NPTN: variants seen among roughly 807,000 people sequenced by gnomAD.
NPTN encodes the protein SDR-1.
A neutral mutation model predicts 42.7 loss-of-function variants in NPTN; 5 were observed. That is an observed-to-expected ratio of 0.12 (90% confidence interval 0.06 to 0.25). The LOEUF is 0.25. Among genes scored for constraint, NPTN ranks in the 10% least tolerant of loss-of-function variants. The probability of loss-of-function intolerance (pLI) is 1.00; values close to 1 mark genes in which losing one functional copy is unlikely to be tolerated. For missense variants in NPTN, 307 were observed against 525.4 expected, an observed-to-expected ratio of 0.58 and a Z score of 4.06; for synonymous variants, 180 against 201.9, an observed-to-expected ratio of 0.89 and a Z score of 0.92.
At chr15:73,620,079 G>A (rs531510195) in intron 1 of NPTN, among the ~76,000 whole-genome samples, 25 of 152,214 alleles carry the variant, frequency 1.6e-4, no homozygotes, top group African/African-American at 5.8e-4. Context: ...ATAATCCTTT[G>A]GTGAAAGGGA....
chr15:73,564,278 G>T (rs964286044), intron 6 of NPTN, among the ~76,000 whole-genome samples: 8 of 152,176 alleles, frequency 5.3e-5, no homozygotes, highest in African/African-American at 1.9e-4. Flanking sequence ...AAGGCTTCTA[G>T]AAAAATTCTC....
At chr15:73,573,927 TGAA>T (rs1308961964) in intron 4 of NPTN, 132 bp from the exon 5 acceptor site, 28 of 1,177,920 alleles carry the variant, frequency 2.4e-5, no homozygotes, top group Non-Finnish European at 3.1e-5. Flanking sequence ...TCAGCTTTGA[TGAA>T]GAGCATTTCA....
intron 1 of NPTN, among the ~76,000 whole-genome samples, chr15:73,607,361 C>T (rs1222409082): frequency 6.6e-6 from 1 of 152,200 alleles, no homozygotes; most frequent in Non-Finnish European, 1.5e-5. Context: ...AACAAGCTTA[C>T]TTTCTGTCTC....
At chr15:73,563,298 G>T (rs772720670) in intron 6 of NPTN, 41 bp from the exon 7 acceptor site, 1 of 1,609,164 alleles carries the variant, frequency 6.2e-7, no homozygotes, top group Non-Finnish European at 8.5e-7. Flanking sequence ...TGAGAGATAA[G>T]AGAAGAAAGG....
intron 4 of NPTN, among the ~76,000 whole-genome samples, chr15:73,584,418 AAGG>A (rs1295011426): frequency 6.6e-6 from 1 of 152,140 alleles, no homozygotes; most frequent in Non-Finnish European, 1.5e-5. Context: ...AAAAGGAAGG[AAGG>A]AGAAGAGGGA....
At chr15:73,585,791 G>A (rs1424002298) in intron 4 of NPTN, among the ~76,000 whole-genome samples, 1 of 152,104 alleles carries the variant, frequency 6.6e-6, no homozygotes, top group South Asian at 2.1e-4. Flanking sequence ...TTCCACACAG[G>A]GCTATTTGTA....
At chr15:73,611,862 G>C (rs1897598392) in intron 1 of NPTN, among the ~76,000 whole-genome samples, 1 of 152,012 alleles carries the variant, frequency 6.6e-6, no homozygotes, top group Non-Finnish European at 1.5e-5. Context: ...GGGGTACATG[G>C]GAACTCTCTG....
intron 6 of NPTN, among the ~76,000 whole-genome samples, chr15:73,566,330 A>C (rs1009994270): frequency 1.3e-5 from 2 of 152,236 alleles, no homozygotes; most frequent in African/African-American, 4.8e-5. Context: ...TGTCTAAAAG[A>C]GCTTGGATAT....
intron 4 of NPTN, among the ~76,000 whole-genome samples, chr15:73,586,117 T>A (rs778784372): frequency 1.3e-5 from 2 of 152,130 alleles, no homozygotes; most frequent in Non-Finnish European, 2.9e-5. Context: ...CACAATGAAC[T>A]AGACACCCCA....
intron 4 of NPTN, among the ~76,000 whole-genome samples, chr15:73,579,659 T>G (rs1340188448): frequency 6.6e-6 from 1 of 152,036 alleles, no homozygotes; most frequent in African/African-American, 2.4e-5. Context: ...TGCCTTGGTG[T>G]GTGGGAGGAG....
At position 73,560,096 on chromosome 15, in the gene NPTN, A is replaced by C; in HGVS notation, c.*967T>G. 1 of 530,786 alleles carries C rather than the reference A, an allele frequency of 1.9e-6. No homozygotes were observed. The highest frequency in any genetic ancestry group is 3.2e-6 in the Non-Finnish European group (1 of 313,524). The allele number at this position is 530,786 out of a possible 1,614,324, so 32.9% of individuals were successfully genotyped here. A position where few individuals can be genotyped will look rare whatever the true frequency, so the allele number is the denominator to read the frequency against. ...TTGCACTTCAATAATTACACAAAAC[A>C]CACAAGTACATGCATCTACAATTAC... is the stretch of plus-strand genomic sequence containing the variant. On this transcript the variant is annotated 3_prime_UTR_variant, in exon 9 of 9. Transcript: ENST00000345330.
chr15:73,560,147 T>TAAAATCTATCATC lies in NPTN; in HGVS notation c.*903_*915dup, dbSNP rs1595886586. 2 of 362,448 alleles carry TAAAATCTATCATC rather than the reference T, an allele frequency of 5.5e-6. No individual in the cohort carries two copies. Among genetic ancestry groups the TAAAATCTATCATC allele is most frequent in the Non-Finnish European group, 9.7e-6 (2 of 205,326 alleles). 22.5% of individuals were successfully genotyped at this position (362,448 alleles called of 1,614,324 possible). A position where few individuals can be genotyped will look rare whatever the true frequency, so the allele number is the denominator to read the frequency against. On this transcript the variant is annotated 3_prime_UTR_variant, in exon 9 of 9. Coordinates refer to ENST00000345330, the MANE Select transcript of NPTN (RefSeq NM_012428.4). ...GCACCGCATGAGAACCGTTAGGTTA[T>TAAAATCTATCATC]AAAATCTATCATCAACCAGTAAATC...
chr15:73,579,389 T>A (rs1389802438), intron 4 of NPTN, among the ~76,000 whole-genome samples: 1 of 152,192 alleles, frequency 6.6e-6, no homozygotes, highest in Non-Finnish European at 1.5e-5. Context: ...TATCAGCTTA[T>A]ATGTGGTACA....
intron 5 of NPTN, among the ~76,000 whole-genome samples, chr15:73,571,216 T>C (rs1895364550): frequency 6.6e-6 from 1 of 152,032 alleles, no homozygotes; most frequent in African/African-American, 2.4e-5. Context: ...GCCCAGGAGG[T>C]TGCTGCACTC....
chr15:73,577,969 A>C (rs1895783569), intron 4 of NPTN, among the ~76,000 whole-genome samples: 1 of 152,186 alleles, frequency 6.6e-6, no homozygotes, highest in African/African-American at 2.4e-5. Flanking sequence ...CCCAGCAAAA[A>C]AGAAAAGAAG....
intron 1 of NPTN, among the ~76,000 whole-genome samples, chr15:73,605,831 C>A (rs953709860): frequency 6.6e-6 from 1 of 152,232 alleles, no homozygotes; most frequent in African/African-American, 2.4e-5. Flanking sequence ...TCCAGGGTTC[C>A]TTCCTATGAT....
chr15:73,614,885 T>A (rs1166040136), intron 1 of NPTN, among the ~76,000 whole-genome samples: 1 of 152,196 alleles, frequency 6.6e-6, no homozygotes, highest in Non-Finnish European at 1.5e-5. Flanking sequence ...GACTAGACTT[T>A]GTTATATTTG....
In NPTN at chr15:73,592,070, C is replaced by T; in HGVS notation, c.507G>A (p.Gln169=). The change falls in exon 3 of 9, where the codon CAG becomes CAA. Residue 169 remains glutamine, a synonymous_variant. Coordinates refer to ENST00000345330, the MANE Select transcript of NPTN (RefSeq NM_012428.4). Reference sequence around the variant, plus strand: ...TGTGAGAGCTGGAGGTGAGGTTACACTGCAGGGTGACAGGGAGAACAGGGC... The same window carrying T: ...TGTGAGAGCTGGAGGTGAGGTTACATTGCAGGGTGACAGGGAGAACAGGGC... ...RDSPVLPVTL[Q]CNLTSSSHTL... is the part of the protein sequence containing the mutation. 1 of 1,614,086 alleles carries T rather than the reference C, an allele frequency of 6.2e-7. No homozygotes were observed. Among genetic ancestry groups the T allele is most frequent in the Non-Finnish European group, 8.5e-7 (1 of 1,179,978 alleles).
At position 73,633,310 on chromosome 15, in the gene NPTN, A is replaced by C; in HGVS notation, c.-95T>G. ...GAGGGAGGGGGCGGGCGAGTGCGCG[A>C]GGGAGTGAGCGAGGGAGGCAGCCGC... is the stretch of plus-strand genomic sequence containing the variant. On this transcript the variant is annotated 5_prime_UTR_variant, in exon 1 of 9. Coordinates refer to ENST00000345330, the MANE Select transcript of NPTN (RefSeq NM_012428.4). 1.1e-6 allele frequency: 1 copy of C among 946,866 alleles called. No homozygotes were observed. Among genetic ancestry groups the C allele is most frequent in the Non-Finnish European group, 1.5e-6 (1 of 671,882 alleles). 58.7% of individuals were successfully genotyped at this position (946,866 alleles called of 1,614,324 possible).
Sources: allele counts gnomAD v4.1 joint callset (sites outside exome capture counted in the v4.1 genomes callset), GRCh38; gene constraint gnomAD v4.1.1; transcripts MANE v1.5; gene names NCBI Gene and HGNC (gene_info 2026-07-23, HGNC 2026-07-21).